CEP57: variants seen among roughly 807,000 people sequenced by gnomAD.
The protein encoded by CEP57 is centrosomal protein 57.
CEP57 carries 40 observed loss-of-function variants against 68.0 expected under a neutral mutation model. That is an observed-to-expected ratio of 0.59 (90% CI 0.46 to 0.77). The LOEUF is 0.77. Among genes scored for constraint, CEP57 ranks in the 30% least tolerant of loss-of-function variants. The pLI, the probability that CEP57 is intolerant of heterozygous loss-of-function variation, is 0.00. For synonymous variants in CEP57, 219 were observed against 198.7 expected, an observed-to-expected ratio of 1.10 and a Z score of -0.86; for missense variants, 606 against 580.7, an observed-to-expected ratio of 1.04 and a Z score of -0.45.
At chr11:95,824,865 G>A (rs1461731024) in intron 8 of CEP57, among the ~76,000 whole-genome samples, 2 of 152,088 alleles carry the variant, frequency 1.3e-5, no homozygotes, top group African/African-American at 4.8e-5. Context: ...CCAGTCTTTG[G>A]GTTTACAACA....
At chr11:95,829,420 TC>T in intron 10 of CEP57, 89 bp downstream of exon 10, 3 of 1,302,924 alleles carry the variant, frequency 2.3e-6, no homozygotes, top group Non-Finnish European at 3.3e-6. Flanking sequence ...ACTAAGTGTA[TC>T]ATAGATAAAT....
intron 8 of CEP57, among the ~76,000 whole-genome samples, chr11:95,825,336 C>T (rs1231498310): frequency 1.3e-5 from 2 of 151,980 alleles, no homozygotes; most frequent in Non-Finnish European, 2.9e-5. Flanking sequence ...GGATTTATGA[C>T]AAAGCCAATC....
chr11:95,817,722 C>T, intron 4 of CEP57, 65 bp from the exon 5 acceptor site: 1 of 1,073,528 alleles, frequency 9.3e-7, no homozygotes, highest in Non-Finnish European at 1.5e-6. Flanking sequence ...TAGAAAAACA[C>T]TGCTCAGTGT....
chr11:95,795,569 T>C, intron 1 of CEP57: 1 of 544,586 alleles, frequency 1.8e-6, no homozygotes, highest in Non-Finnish European at 3.3e-6. Flanking sequence ...TGTAGGTATC[T>C]TTGTCTTACT....
At chr11:95,795,791 A>C (rs1054057699) in intron 1 of CEP57, among the ~76,000 whole-genome samples, 3 of 152,206 alleles carry the variant, frequency 2.0e-5, no homozygotes, top group Admixed American at 2.0e-4. Context: ...AGAGCTGTAC[A>C]TCATGTTCCT....
chr11:95,822,675 C>CTA, intron 8 of CEP57, 99 bp downstream of exon 8: 2 of 639,440 alleles, frequency 3.1e-6, no homozygotes, highest in Non-Finnish European at 2.7e-6. Flanking sequence ...GAACATTTTT[C>CTA]TGTGCCTTTA....
At chr11:95,794,444 C>T in intron 1 of CEP57, 1 of 400,092 alleles carries the variant, frequency 2.5e-6, no homozygotes, top group Non-Finnish European at 5.0e-6. Flanking sequence ...TTTATGTCCT[C>T]TTAAATGGAT....
intron 2 of CEP57, among the ~76,000 whole-genome samples, chr11:95,809,692 A>T (rs946779207): frequency 3.5e-4 from 54 of 152,342 alleles, no homozygotes; most frequent in African/African-American, 1.3e-3. Flanking sequence ...AGGCTCTGAA[A>T]TTGAGGCAAT....
Position 95,832,187 on chromosome 11 carries a change from A to G in CEP57, c.*931A>G, listed in dbSNP as rs1031748024. The G allele has an allele frequency of 6.6e-6, 1 of 152,120 alleles. No homozygotes were observed. Among genetic ancestry groups the G allele is most frequent in the African/African-American group, 2.4e-5 (1 of 41,442 alleles). 9.4% of individuals were successfully genotyped at this position (152,120 alleles called of 1,614,324 possible). A position where few individuals can be genotyped will look rare whatever the true frequency, so the allele number is the denominator to read the frequency against. On this transcript the variant is annotated 3_prime_UTR_variant, in exon 11 of 11. Coordinates refer to ENST00000325542, the MANE Select transcript of CEP57 (RefSeq NM_014679.5). Reference sequence around the variant, plus strand: ...ATTTCAACTAGATCAAGACATGTTAACCTTTTATAAATTTAAAGTCAATAA... The same window carrying G: ...ATTTCAACTAGATCAAGACATGTTAGCCTTTTATAAATTTAAAGTCAATAA...
At chr11:95,829,104 G>A in intron 9 of CEP57, 83 bp from the exon 10 acceptor site, 4 of 1,413,176 alleles carry the variant, frequency 2.8e-6, no homozygotes, top group South Asian at 1.2e-5. Flanking sequence ...AACACATGGA[G>A]CAGTAACCCA....
Position 95,818,909 on chromosome 11 carries a change from G to A in CEP57, c.699+5G>A. On this transcript the variant is annotated splice_donor_5th_base_variant and intron_variant, in intron 6 of 10. Transcript: ENST00000325542. ...ATGCAAGCTAAGGCAGCTGAGGTAA[G>A]TTAAAATGTGAGAAAGTGGGCTCTT... is the stretch of plus-strand genomic sequence containing the variant. 1 of 1,611,448 alleles carries A rather than the reference G, an allele frequency of 6.2e-7. No individual in the cohort carries two copies. Among genetic ancestry groups the A allele is most frequent in the Non-Finnish European group, 8.5e-7 (1 of 1,177,762 alleles).
intron 2 of CEP57, among the ~76,000 whole-genome samples, chr11:95,805,237 A>G (rs1272200834): frequency 1.3e-5 from 2 of 152,182 alleles, no homozygotes; most frequent in Non-Finnish European, 2.9e-5. Context: ...ATATTAAAGG[A>G]CGTTTAAAAT....
intron 6 of CEP57, among the ~76,000 whole-genome samples, chr11:95,821,283 GT>G (rs1862508485): frequency 1.3e-5 from 2 of 152,088 alleles, no homozygotes; most frequent in Non-Finnish European, 2.9e-5. Flanking sequence ...GAAATTCTTA[GT>G]GCTTGTGGAA....
At chr11:95,812,233 T>TA (rs1459570449) in intron 2 of CEP57, among the ~76,000 whole-genome samples, 8 of 152,174 alleles carry the variant, frequency 5.3e-5, no homozygotes, top group Admixed American at 3.9e-4. Context: ...AAGTAATAGT[T>TA]ACTAATACAT....
Position 95,827,919 on chromosome 11 carries a change from G to T in CEP57, c.1019G>T (p.Gly340Val), listed in dbSNP as rs1357714834. 3 of 1,613,984 alleles carry T rather than the reference G, an allele frequency of 1.9e-6. No homozygotes were observed. Among genetic ancestry groups the T allele is most frequent in the Non-Finnish European group, 1.7e-6 (2 of 1,180,024 alleles). ...IPLAKQVSSRGGKSKKLSVTP... is the reference protein window; with the variant it reads ...IPLAKQVSSRVGKSKKLSVTP... ...TTGGCAAAGCAAGTATCTTCACGAG[G>T]TGGTAAAAGTAAGAAGTTGTCAGTA... The change falls in exon 9 of 11, where the codon GGT becomes GTT. Residue 340 changes from glycine (G) to valine (V), a missense_variant. Transcript: ENST00000325542.
At chr11:95,803,121 A>G (rs1328632637) in intron 2 of CEP57, among the ~76,000 whole-genome samples, 1 of 152,204 alleles carries the variant, frequency 6.6e-6, no homozygotes, top group Non-Finnish European at 1.5e-5. Flanking sequence ...GGAAAGATTT[A>G]TGCATATTTT....
At chr11:95,807,114 A>G (rs1042023462) in intron 2 of CEP57, among the ~76,000 whole-genome samples, 23 of 152,156 alleles carry the variant, frequency 1.5e-4, no homozygotes, top group Non-Finnish European at 3.2e-4. Flanking sequence ...ACGGTCTGGA[A>G]TGGACCTCCA....
chr11:95,798,133 T>A (rs1480456614), intron 1 of CEP57, among the ~76,000 whole-genome samples: 1 of 152,200 alleles, frequency 6.6e-6, no homozygotes, highest in Non-Finnish European at 1.5e-5. Flanking sequence ...TTTATTTGAG[T>A]ACCACTTTTA....
At chr11:95,797,741 G>A (rs951502621) in intron 1 of CEP57, among the ~76,000 whole-genome samples, 4 of 152,176 alleles carry the variant, frequency 2.6e-5, no homozygotes, top group Non-Finnish European at 5.9e-5. Flanking sequence ...TAAAGGGCAA[G>A]CCCACTAACA....
Sources: allele counts gnomAD v4.1 joint callset (sites outside exome capture counted in the v4.1 genomes callset), GRCh38; gene constraint gnomAD v4.1.1; transcripts MANE v1.5; gene names NCBI Gene and HGNC (gene_info 2026-07-23, HGNC 2026-07-21).